Variants in SLC25A13 observed in about 807,000 individuals in gnomAD.
SLC25A13 encodes the protein solute carrier family 25 member 13, also known as electrogenic aspartate/glutamate antiporter SLC25A13, mitochondrial.
A neutral mutation model predicts 85.5 loss-of-function variants in SLC25A13; 70 were observed. The observed-to-expected ratio is 0.82, with a 90% confidence interval of 0.68 to 1.00. The LOEUF is 1.00. SLC25A13 is among the 50% of genes least tolerant of loss of function. The pLI is 0.00. For synonymous variants in SLC25A13, 259 were observed against 288.7 expected (o/e 0.90, Z 1.04); for missense variants, 765 against 819.8 (o/e 0.93, Z 0.82).
chr7:96,188,103 C>A (rs12668789), intron 9 of SLC25A13, among the ~76,000 whole-genome samples: 4 of 152,294 alleles, frequency 2.6e-5, no homozygotes, highest in South Asian at 4.1e-4. Flanking sequence ...TTCTCTTAAT[C>A]CCCAAATTTC....
intron 13 of SLC25A13, among the ~76,000 whole-genome samples, chr7:96,153,017 GA>G (rs1793109233): frequency 2.0e-5 from 3 of 152,184 alleles, no homozygotes; most frequent in Non-Finnish European, 4.4e-5. Context: ...TAATTAAGGA[GA>G]AAATATCTAG....
intron 3 of SLC25A13, among the ~76,000 whole-genome samples, chr7:96,244,672 G>C (rs1322921213): frequency 6.6e-6 from 1 of 152,172 alleles, no homozygotes; most frequent in East Asian, 1.9e-4. Context: ...GCTCCAGAAA[G>C]GACCTTGGCA....
intron 15 of SLC25A13, among the ~76,000 whole-genome samples, chr7:96,125,209 C>T (rs796405225): frequency 6.2e-4 from 94 of 152,266 alleles, no homozygotes; most frequent in African/African-American, 2.2e-3. Context: ...CTGCCTCAGC[C>T]TCCTGAGTAG....
intron 9 of SLC25A13, among the ~76,000 whole-genome samples, chr7:96,185,389 G>T (rs1442530371): frequency 1.3e-5 from 2 of 150,082 alleles, no homozygotes; most frequent in African/African-American, 4.9e-5. Flanking sequence ...CCTGAGCACA[G>T]GAGTTCAAGA....
intron 11 of SLC25A13, among the ~76,000 whole-genome samples, chr7:96,175,635 G>A (rs1014600021): frequency 7.2e-5 from 11 of 152,168 alleles, no homozygotes; most frequent in African/African-American, 1.9e-4. Flanking sequence ...TACCTGGTAC[G>A]CTGCACAACT....
At position 96,301,472 on chromosome 7, in the gene SLC25A13, T is replaced by C. The variant is rs1267247485; in HGVS notation, c.16-4521A>G. Reference sequence around the variant, plus strand: ...TATCAAGAATTTTAAATCAAGTAACTGGTTTTCAAACATACAGAGTAATTC... The same window carrying C: ...TATCAAGAATTTTAAATCAAGTAACCGGTTTTCAAACATACAGAGTAATTC... On this transcript the variant is annotated intron_variant, in intron 1 of 17. Coordinates refer to ENST00000265631, the MANE Select transcript of SLC25A13 (RefSeq NM_014251.3). Among the ~76,000 whole-genome samples the C allele has an allele frequency of 2.0e-5, 3 of 152,182 alleles. No homozygotes were observed. In the East Asian group the frequency reaches 5.8e-4, roughly 29 times the overall value.
At chr7:96,128,796 T>A (rs905819040) in intron 15 of SLC25A13, among the ~76,000 whole-genome samples, 20 of 140,496 alleles carry the variant, frequency 1.4e-4, no homozygotes, top group Non-Finnish European at 2.3e-4. Flanking sequence ...ATAATAATAA[T>A]AAAAGTCAAT....
At chr7:96,281,223 T>A (rs1429590323) in intron 2 of SLC25A13, among the ~76,000 whole-genome samples, 1 of 152,072 alleles carries the variant, frequency 6.6e-6, no homozygotes, top group Non-Finnish European at 1.5e-5. Context: ...AAACCCCGTC[T>A]GTACTAAAAA....
chr7:96,175,402 T>C (rs1186269978), intron 11 of SLC25A13, among the ~76,000 whole-genome samples: 1 of 152,234 alleles, frequency 6.6e-6, no homozygotes, highest in Non-Finnish European at 1.5e-5. Flanking sequence ...ACAGCCAATA[T>C]TTGGGGAGCA....
chr7:96,150,120 G>T (rs1026237468), intron 13 of SLC25A13, among the ~76,000 whole-genome samples: 24 of 151,486 alleles, frequency 1.6e-4, no homozygotes, highest in African/African-American at 5.6e-4. Flanking sequence ...ATGTTTCCTG[G>T]TATACTCTTT....
rs546248549 is a variant in SLC25A13 at position 96,194,442 on chromosome 7, C to CAAAAAAA, written c.469-1266_469-1260dup. Among the ~76,000 whole-genome samples the CAAAAAAA allele has an allele frequency of 3.3e-4, 9 of 27,672 alleles. 2 individuals carry two copies. Among genetic ancestry groups the CAAAAAAA allele is most frequent in the Non-Finnish European group, 4.0e-4 (6 of 14,858 alleles). 18.2% of individuals were successfully genotyped at this position (27,672 alleles called of 152,430 possible). A position where few individuals can be genotyped will look rare whatever the true frequency, so the allele number is the denominator to read the frequency against. ...TGGGTGACAGAGTGAAACCTTGTCT[C>CAAAAAAA]AAAAAAAAAAAAAAAAAAAAAAAAA... is the stretch of plus-strand genomic sequence containing the variant. On this transcript the variant is annotated intron_variant, in intron 5 of 17. Coordinates refer to ENST00000265631, the MANE Select transcript of SLC25A13 (RefSeq NM_014251.3).
intron 3 of SLC25A13, among the ~76,000 whole-genome samples, chr7:96,270,865 C>A (rs1008646559): frequency 6.6e-6 from 1 of 152,182 alleles, no homozygotes; most frequent in East Asian, 1.9e-4. Context: ...CCTCTTGCCT[C>A]TTCCAGCATC....
At chr7:96,157,348 C>T (rs558715973) in intron 13 of SLC25A13, among the ~76,000 whole-genome samples, 2 of 152,164 alleles carry the variant, frequency 1.3e-5, no homozygotes, top group African/African-American at 2.4e-5. Flanking sequence ...CCTATCACTG[C>T]GTCTTTCACT....
intron 15 of SLC25A13, among the ~76,000 whole-genome samples, chr7:96,122,211 G>A (rs774218461): frequency 1.6e-4 from 25 of 152,070 alleles, no homozygotes; most frequent in Admixed American, 2.6e-4. Context: ...ACCTTCCCTT[G>A]CCCAAATCAC....
At chr7:96,217,788 G>A (rs886337886) in intron 4 of SLC25A13, among the ~76,000 whole-genome samples, 5 of 151,254 alleles carry the variant, frequency 3.3e-5, no homozygotes, top group South Asian at 2.1e-4. Context: ...TTGGGGTGAT[G>A]AAAATGTTCT....
At chr7:96,202,222 A>G (rs2116693623) in intron 5 of SLC25A13, among the ~76,000 whole-genome samples, 2 of 152,288 alleles carry the variant, frequency 1.3e-5, no homozygotes, top group East Asian at 3.9e-4. Flanking sequence ...ATCCTTACTA[A>G]TATGAATGAC....
intron 2 of SLC25A13, among the ~76,000 whole-genome samples, chr7:96,288,492 C>G (rs1483359289): frequency 3.3e-5 from 5 of 152,188 alleles, no homozygotes; most frequent in African/African-American, 1.2e-4. Context: ...CCAGGAAGCG[C>G]AAGGGGTCAG....
intron 3 of SLC25A13, among the ~76,000 whole-genome samples, chr7:96,241,550 A>C (rs1796999254): frequency 6.6e-6 from 1 of 152,198 alleles, no homozygotes; most frequent in African/African-American, 2.4e-5. Context: ...TTTCTTAAAA[A>C]TGGACAATAA....
At chr7:96,149,467 C>T (rs367596221) in intron 13 of SLC25A13, among the ~76,000 whole-genome samples, 2 of 152,320 alleles carry the variant, frequency 1.3e-5, no homozygotes, top group East Asian at 3.9e-4. Context: ...GATAACAATT[C>T]TTTTAAAGCA....
Sources: gnomAD v4.1 joint callset for allele counts (sites outside exome capture counted in the v4.1 genomes callset) on GRCh38, gnomAD v4.1.1 for gene constraint, MANE v1.5 for transcripts, NCBI Gene and HGNC (gene_info 2026-07-23, HGNC 2026-07-21) for gene names.